The following IFT80 variants were observed in gnomAD, a reference collection of about 807,000 sequenced individuals.
IFT80 encodes the protein intraflagellar transport 80, also known as intraflagellar transport protein 80 homolog.
In IFT80, 79 loss-of-function variants were observed where a neutral mutation model predicts 107.9. That is an observed-to-expected ratio of 0.73 (90% CI 0.61 to 0.88). The LOEUF (loss-of-function observed/expected upper bound fraction) is 0.88, where lower values mean the gene tolerates loss of function less well. IFT80 is among the 40% of genes least tolerant of loss of function. The probability of loss-of-function intolerance (pLI) is 0.00; values close to 1 mark genes in which losing one functional copy is unlikely to be tolerated. For synonymous variants in IFT80, 299 were observed against 300.9 expected (o/e 0.99, Z 0.07); for missense variants, 797 against 914.2 (o/e 0.87, Z 1.65).
chr3:160,307,624 G>C, intron 10 of IFT80, 39 bp downstream of exon 10: 1 of 1,101,980 alleles, frequency 9.1e-7, no homozygotes. Flanking sequence ...AGCACAGACA[G>C]ACAAAACTCT....
At position 160,351,612 on chromosome 3, in the gene IFT80, T is replaced by C. The variant is rs1048150719; in HGVS notation, c.777+4401A>G. Among the ~76,000 whole-genome samples, 6 of 147,670 alleles carry C rather than the reference T, an allele frequency of 4.1e-5. No individual in the cohort carries two copies. The South Asian group carries it at 6.3e-4, about 16-fold the overall frequency. ...TATATATAATATATATATTTGTATA[T>C]ATTATATATATAGTATATATAGACA... On this transcript the variant is annotated intron_variant, in intron 8 of 19. Coordinates refer to ENST00000326448, the MANE Select transcript of IFT80 (RefSeq NM_020800.3).
chr3:160,326,442 G>A lies in IFT80; in HGVS notation c.778-6503C>T, dbSNP rs538379640. ...TAATCCTCAACAAAATACTGGCAAA[G>A]TGAATCCAGTAGCACATCAAAAAGC... is the stretch of plus-strand genomic sequence containing the variant. On this transcript the variant is annotated intron_variant, in intron 8 of 19. Transcript: ENST00000326448. Among the ~76,000 whole-genome samples, 2 of 152,114 alleles carry A rather than the reference G, an allele frequency of 1.3e-5. 1 individual carries two copies. The highest frequency in any genetic ancestry group is 4.1e-4 in the South Asian group (2 of 4,822).
intron 18 of IFT80, among the ~76,000 whole-genome samples, chr3:160,275,551 T>G (rs1440101389): frequency 6.6e-6 from 1 of 152,200 alleles, no homozygotes; most frequent in Non-Finnish European, 1.5e-5. Flanking sequence ...TGTGCAATAC[T>G]CTTCATCATT....
At chr3:160,335,844 T>C (rs1283674464) in intron 8 of IFT80, among the ~76,000 whole-genome samples, 1 of 152,176 alleles carries the variant, frequency 6.6e-6, no homozygotes, top group African/African-American at 2.4e-5. Flanking sequence ...CCTCAGCTCC[T>C]AGCAGCCATT....
At chr3:160,336,614 T>C (rs909285373) in intron 8 of IFT80, among the ~76,000 whole-genome samples, 7 of 152,226 alleles carry the variant, frequency 4.6e-5, no homozygotes, top group South Asian at 2.1e-4. Context: ...TGTGTATCCA[T>C]AGCAATATGT....
At chr3:160,374,588 T>C (rs753853816) in intron 5 of IFT80, among the ~76,000 whole-genome samples, 2 of 152,106 alleles carry the variant, frequency 1.3e-5, no homozygotes, top group Non-Finnish European at 2.9e-5. Context: ...GTCTCAGTAG[T>C]AACAGCAGCT....
chr3:160,303,107 T>C (rs1364513684), intron 11 of IFT80, among the ~76,000 whole-genome samples: 2 of 152,178 alleles, frequency 1.3e-5, no homozygotes, highest in Non-Finnish European at 2.9e-5. Flanking sequence ...ATAAACACTA[T>C]TAAGAGTTGC....
chr3:160,291,243 C>G (rs1331849166), intron 12 of IFT80, among the ~76,000 whole-genome samples: 2 of 152,262 alleles, frequency 1.3e-5, no homozygotes, highest in East Asian at 3.9e-4. Flanking sequence ...ATTGAAACTG[C>G]CCCTATAACC....
At chr3:160,302,145 T>A (rs1716479061) in intron 11 of IFT80, among the ~76,000 whole-genome samples, 1 of 152,182 alleles carries the variant, frequency 6.6e-6, no homozygotes, top group African/African-American at 2.4e-5. Flanking sequence ...TTCAAAATCT[T>A]ATGTTTAATG....
intron 18 of IFT80, among the ~76,000 whole-genome samples, chr3:160,270,787 G>A (rs904690108): frequency 6.6e-6 from 1 of 152,128 alleles, no homozygotes; most frequent in African/African-American, 2.4e-5. Flanking sequence ...GTATGTGTGA[G>A]TGGAGACTGA....
chr3:160,363,948 G>C (rs1205658813), intron 6 of IFT80, among the ~76,000 whole-genome samples: 1 of 152,112 alleles, frequency 6.6e-6, no homozygotes, highest in Non-Finnish European at 1.5e-5. Context: ...ATTGGCATTG[G>C]CAAGGACTTC....
intron 8 of IFT80, among the ~76,000 whole-genome samples, chr3:160,340,386 T>C (rs1364842755): frequency 2.0e-5 from 3 of 152,192 alleles, no homozygotes; most frequent in African/African-American, 7.2e-5. Context: ...AAAACATAAT[T>C]TGATTATCTT....
intron 11 of IFT80, among the ~76,000 whole-genome samples, chr3:160,301,803 C>T (rs887428541): frequency 6.6e-6 from 1 of 151,730 alleles, no homozygotes; most frequent in Non-Finnish European, 1.5e-5. Context: ...ACAGAGAAAA[C>T]AAAAGACCTC....
chr3:160,381,116 A>G (rs1424965239), intron 3 of IFT80, among the ~76,000 whole-genome samples: 1 of 151,312 alleles, frequency 6.6e-6, no homozygotes, highest in Non-Finnish European at 1.5e-5. Context: ...GTGTGCCTGT[A>G]GTCCCAGCTA....
intron 18 of IFT80, among the ~76,000 whole-genome samples, chr3:160,269,293 G>A (rs193243507): frequency 2.6e-5 from 4 of 151,680 alleles, no homozygotes; most frequent in East Asian, 1.9e-4. Context: ...TCCCCACAGT[G>A]TAAGTGGTCC....
chr3:160,323,212 T>C (rs1718400837), intron 8 of IFT80, among the ~76,000 whole-genome samples: 1 of 150,180 alleles, frequency 6.7e-6, no homozygotes, highest in Non-Finnish European at 1.5e-5. Context: ...TTAATTTTTG[T>C]ATAAGGTGTA....
intron 16 of IFT80, 38 bp from the exon 17 acceptor site, chr3:160,277,708 G>T: frequency 7.5e-7 from 1 of 1,326,964 alleles, no homozygotes; most frequent in South Asian, 1.2e-5. Context: ...TTAACTATGT[G>T]ACTGAACTGC....
rs544186711 is a variant in IFT80, at chr3:160,394,483, G to A, written c.-47+4663C>T. Among the ~76,000 whole-genome samples the A allele has an allele frequency of 7.2e-5, 11 of 152,268 alleles. No homozygotes were observed. In the South Asian group the frequency reaches 2.3e-3, roughly 32 times the overall value. On this transcript the variant is annotated intron_variant, in intron 1 of 19. Transcript: ENST00000326448. The stretch of plus-strand genomic sequence containing the variant: ...CAACTCCCACCCCATCTCAATTCCT[G>A]TATGCATTTGCGAAAGTGTATGTGT...
intron 19 of IFT80, among the ~76,000 whole-genome samples, chr3:160,268,102 A>G (rs1713488378): frequency 1.3e-5 from 2 of 152,188 alleles, no homozygotes; most frequent in Non-Finnish European, 2.9e-5. Flanking sequence ...GGCAGGTGAA[A>G]TTTAAGAGTT....
Sources: allele counts gnomAD v4.1 joint callset (sites outside exome capture counted in the v4.1 genomes callset), GRCh38; gene constraint gnomAD v4.1.1; transcripts MANE v1.5; gene names NCBI Gene and HGNC (gene_info 2026-07-23, HGNC 2026-07-21).